EML1: variants seen among roughly 807,000 people sequenced by gnomAD.
The protein encoded by EML1 is EMAP like 1, also known as echinoderm microtubule-associated protein-like 1.
A neutral mutation model predicts 110.4 loss-of-function variants in EML1; 27 were observed. The observed-to-expected ratio is 0.24, with a 90% CI of 0.18 to 0.34. The LOEUF (loss-of-function observed/expected upper bound fraction) is 0.34, where lower values mean the gene tolerates loss of function less well. Among genes scored for constraint, EML1 ranks in the 10% least tolerant of loss-of-function variants. The probability of loss-of-function intolerance (pLI) is 1.00; values close to 1 mark genes in which losing one functional copy is unlikely to be tolerated. For synonymous variants in EML1, 344 were observed against 385.8 expected (o/e 0.89, Z 1.27); for missense variants, 741 against 1,030.9 (o/e 0.72, Z 3.85).
At chr14:99,829,789 G>A (rs1392080272) in intron 1 of EML1, among the ~76,000 whole-genome samples, 3 of 152,154 alleles carry the variant, frequency 2.0e-5, no homozygotes, top group Non-Finnish European at 2.9e-5. Flanking sequence ...ATTTCACTTA[G>A]CATAATGTTT....
chr14:99,919,184 C>T lies in EML1; in HGVS notation c.1820+1335C>T, dbSNP rs558123669. ...AGGTTTTGATTGAACATTTATGCTG[C>T]TCATTGTACTGTATACATTTACTGT... On this transcript the variant is annotated intron_variant, in intron 16 of 21. Coordinates refer to ENST00000262233, the MANE Select transcript of EML1 (RefSeq NM_004434.3). Among the ~76,000 whole-genome samples, 7 of 152,234 alleles carry T rather than the reference C, an allele frequency of 4.6e-5. No homozygotes were observed. In the South Asian group the frequency reaches 1.5e-3, roughly 32 times the overall value.
Position 99,740,713 on chromosome 14 carries a change from G to A in EML1, c.28+2853G>A, listed in dbSNP as rs150222436. On this transcript the variant is annotated intron_variant, in intron 1 of 10. Transcript: ENST00000554479. ...ATTCTAGGCTTGGCTCTGTCTCTTC[G>A]GGGCAGAGTCACGTCACCTTTCTAA... Among the ~76,000 whole-genome samples, 17 of 152,272 alleles carry A rather than the reference G, an allele frequency of 1.1e-4. No homozygotes were observed. The East Asian group carries it at 2.5e-3, about 22-fold the overall frequency.
intron 17 of EML1, among the ~76,000 whole-genome samples, chr14:99,935,781 C>CAAAAAAA (rs1160100015): frequency 1.2e-5 from 1 of 83,730 alleles, no homozygotes; most frequent in African/African-American, 4.9e-5. Context: ...GACTCCGTCT[C>CAAAAAAA]AAAAAAAAAA....
intron 1 of EML1, among the ~76,000 whole-genome samples, chr14:99,755,503 T>A (rs2015968): frequency 0.6 from 91,166 of 151,906 alleles, 27,691 homozygotes; most frequent in Non-Finnish European, 0.65. Flanking sequence ...AAGAGAGGCT[T>A]CCAAGTGCCT....
At chr14:99,882,440 T>C (rs1034546523) in intron 4 of EML1, among the ~76,000 whole-genome samples, 2 of 152,198 alleles carry the variant, frequency 1.3e-5, no homozygotes, top group African/African-American at 2.4e-5. Flanking sequence ...AGCAAGACAC[T>C]GTTTCAGCTT....
Position 99,936,356 on chromosome 14 carries a change from T to C in EML1, c.2095+22T>C, listed in dbSNP as rs1216279344. 4 of 1,607,320 alleles carry C rather than the reference T, an allele frequency of 2.5e-6. No homozygotes were observed. The highest frequency in any genetic ancestry group is 3.4e-6 in the Non-Finnish European group (4 of 1,175,628). ...TACTGTGAGTACCACCCCGGGGTTG[T>C]ATGAAGTCTCGATCTCAGAAAGCGT... On this transcript the variant is annotated intron_variant, in intron 19 of 21. Transcript: ENST00000262233. This position sits in a 1 kb window ranked among gnomAD's most constrained non-coding sequence, Gnocchi z 5.5.
At chr14:99,866,552 A>T (rs778355744) in intron 3 of EML1, among the ~76,000 whole-genome samples, 2 of 147,342 alleles carry the variant, frequency 1.4e-5, no homozygotes, top group Non-Finnish European at 3.0e-5. Context: ...CCTGGGTGAC[A>T]AGAGCAAAAC....
At chr14:99,800,664 T>C (rs2057859032) in intron 1 of EML1, among the ~76,000 whole-genome samples, 1 of 152,260 alleles carries the variant, frequency 6.6e-6, no homozygotes, top group African/African-American at 2.4e-5. Context: ...CAGCTAATTT[T>C]TAAGATTCAG....
intron 1 of EML1, among the ~76,000 whole-genome samples, chr14:99,813,146 G>C (rs12896745): frequency 0.34 from 50,886 of 151,712 alleles, 9,499 homozygotes; most frequent in South Asian, 0.53. Flanking sequence ...TATGGGTATG[G>C]CTGAACCAGT....
At chr14:99,758,154 C>T (rs2057276362) in intron 1 of EML1, among the ~76,000 whole-genome samples, 3 of 152,318 alleles carry the variant, frequency 2.0e-5, no homozygotes, top group Admixed American at 1.3e-4. Context: ...AGCCAAGACA[C>T]GCTGGGAAAA....
chr14:99,894,282 T>G (rs531345018), intron 5 of EML1, among the ~76,000 whole-genome samples: 2 of 152,200 alleles, frequency 1.3e-5, no homozygotes, highest in African/African-American at 4.8e-5. Flanking sequence ...GGATTTCTTG[T>G]GTTAGTTGAA....
intron 1 of EML1, among the ~76,000 whole-genome samples, chr14:99,756,420 A>T (rs1384960669): frequency 2.6e-5 from 4 of 152,220 alleles, no homozygotes; most frequent in Non-Finnish European, 5.9e-5. Context: ...GCCTGGCTCA[A>T]GGCCCAGGCA....
intron 3 of EML1, among the ~76,000 whole-genome samples, chr14:99,869,069 G>C (rs570312769): frequency 4.1e-4 from 62 of 152,296 alleles, no homozygotes; most frequent in African/African-American, 1.4e-3. Flanking sequence ...GATTGTTTAA[G>C]AGTGAGTTGT....
intron 1 of EML1, among the ~76,000 whole-genome samples, chr14:99,738,557 T>TGGA (rs2140155588): frequency 6.6e-6 from 1 of 152,336 alleles, no homozygotes; most frequent in Non-Finnish European, 1.5e-5. Context: ...AGGGGGACTC[T>TGGA]GGAGTCAGGC....
intron 15 of EML1, chr14:99,915,430 A>AG (rs1329733727): frequency 2.6e-5 from 4 of 152,092 alleles, no homozygotes; most frequent in African/African-American, 4.8e-5. Context: ...AAAAAAAAAA[A>AG]AAAAGTCAAC....
intron 1 of EML1, among the ~76,000 whole-genome samples, chr14:99,767,261 T>C (rs1467696060): frequency 6.6e-6 from 1 of 152,258 alleles, no homozygotes; most frequent in Admixed American, 6.5e-5. Flanking sequence ...TTGCTAGTCA[T>C]TGACTTTGGG....
rs182739069 is a variant in EML1 at position 99,863,901 on chromosome 14, A to T, written c.251-1613A>T. 2.4e-3 allele frequency among the ~76,000 whole-genome samples: 368 copies of T among 152,358 alleles called. 1 individual carries two copies. The highest frequency in any genetic ancestry group is 7.8e-3 in the African/African-American group (324 of 41,582). ...TGAAACTATATTTAGCTTTATAAGA[A>T]ACTGCCAGACTGTCTTCCACAGTGG... On this transcript the variant is annotated intron_variant, in intron 2 of 21. Coordinates refer to ENST00000262233, the MANE Select transcript of EML1 (RefSeq NM_004434.3).
chr14:99,899,749 A>T (rs926873058), intron 8 of EML1, among the ~76,000 whole-genome samples: 1 of 151,730 alleles, frequency 6.6e-6, no homozygotes, highest in Non-Finnish European at 1.5e-5. Context: ...GCTTTGAAAA[A>T]TTCTTTGAAA....
intron 17 of EML1, among the ~76,000 whole-genome samples, chr14:99,926,789 G>A (rs1348747974): frequency 6.6e-6 from 1 of 151,412 alleles, no homozygotes; most frequent in African/African-American, 2.4e-5. Context: ...TGTCACCCAG[G>A]TTGGAGTGCA....
Sources: allele counts gnomAD v4.1 joint callset (sites outside exome capture counted in the v4.1 genomes callset), GRCh38; gene constraint gnomAD v4.1.1; non-coding constraint Gnocchi (gnomAD v3.1); transcripts MANE v1.5; gene names NCBI Gene and HGNC (gene_info 2026-07-23, HGNC 2026-07-21).